Variants in AP1S1 observed in about 807,000 individuals in gnomAD.
AP1S1 encodes adaptor related protein complex 1 subunit sigma 1, also known as AP-1 complex subunit sigma-1A.
A neutral mutation model predicts 23.9 loss-of-function variants in AP1S1; 13 were observed. The observed-to-expected ratio is 0.54, with a 90% CI of 0.35 to 0.86. The LOEUF is 0.86. AP1S1 is among the 40% of genes least tolerant of loss of function. The pLI, the probability that AP1S1 is intolerant of heterozygous loss-of-function variation, is 0.01. For synonymous variants in AP1S1, 84 were observed against 77.7 expected (o/e 1.08, Z -0.43); for missense variants, 119 against 197.6 (o/e 0.60, Z 2.38).
intron 4 of AP1S1, among the ~76,000 whole-genome samples, chr7:101,160,151 A>C (rs1490166512): frequency 6.6e-6 from 1 of 151,874 alleles, no homozygotes; most frequent in Non-Finnish European, 1.5e-5. Context: ...AACAGGACCC[A>C]GTCAGCTGTA....
chr7:101,156,599 G>A lies in AP1S1; in HGVS notation c.9G>A (p.Arg3=). The A allele has an allele frequency of 6.2e-7, 1 of 1,611,616 alleles. No individual in the cohort carries two copies. The highest frequency in any genetic ancestry group is 8.5e-7 in the Non-Finnish European group (1 of 1,178,974). MM[R]FMLLFSRQGK... ...TGCCCTCCCATCCCCCACAGATGCG[G>A]TTCATGCTATTATTCAGCCGGCAGG... Residue 3 remains arginine, a synonymous_variant, in exon 2 of 5, where the codon CGG becomes CGA. Transcript: ENST00000337619.
chr7:101,157,292 C>T, intron 2 of AP1S1, 85 bp from the exon 3 acceptor site: 3 of 1,171,754 alleles, frequency 2.6e-6, no homozygotes, highest in South Asian at 1.4e-5. Flanking sequence ...CACAGACCAC[C>T]TCCAGGCTGG....
At chr7:101,154,888 T>C in intron 1 of AP1S1, 1 of 962,570 alleles carries the variant, frequency 1.0e-6, no homozygotes, top group Non-Finnish European at 1.3e-6. Flanking sequence ...GGGTCACCAG[T>C]CACCGAGACC....
rs1252742816 is a variant in AP1S1, at chr7:101,156,701, G to A, written c.111G>A (p.Gln37=). ...AGAAGATGGTGCGCGAGCTCATGCA[G>A]GTTGTCCTGGCTCGAAAGCCCAAGA... The part of the protein sequence containing the change: ...ERKKMVRELM[Q]VVLARKPKMC... Residue 37 remains glutamine, a synonymous_variant, in exon 2 of 5, where the codon CAG becomes CAA. Coordinates refer to ENST00000337619, the MANE Select transcript of AP1S1 (RefSeq NM_001283.5). The A allele has an allele frequency of 6.2e-7, 1 of 1,608,392 alleles. No individual in the cohort carries two copies. The highest frequency in any genetic ancestry group is 8.5e-7 in the Non-Finnish European group (1 of 1,177,460).
intron 3 of AP1S1, among the ~76,000 whole-genome samples, chr7:101,158,668 G>C (rs780556381): frequency 6.6e-6 from 1 of 152,234 alleles, no homozygotes; most frequent in Non-Finnish European, 1.5e-5. Context: ...TTGGGAAGCT[G>C]AGGCAGGTGG....
At chr7:101,159,290 C>T (rs1797046786) in intron 4 of AP1S1, 94 bp downstream of exon 4, 13 of 1,507,066 alleles carry the variant, frequency 8.6e-6, no homozygotes, top group Non-Finnish European at 1.1e-5. Flanking sequence ...TGCCCACCGT[C>T]GCCAAGGAGC....
intron 4 of AP1S1, among the ~76,000 whole-genome samples, chr7:101,159,876 G>A (rs1797059834): frequency 6.6e-6 from 1 of 151,800 alleles, no homozygotes; most frequent in Admixed American, 6.6e-5. Flanking sequence ...GGAGAGATGG[G>A]GGGCGAGGGA....
intron 4 of AP1S1, chr7:101,159,587 T>A: frequency 5.5e-6 from 1 of 180,946 alleles, no homozygotes; most frequent in African/African-American, 2.4e-5. Context: ...TTTTCTTCCC[T>A]GATTTCTTCC....
chr7:101,157,901 T>C (rs754873904), intron 3 of AP1S1, among the ~76,000 whole-genome samples: 1 of 152,154 alleles, frequency 6.6e-6, no homozygotes, highest in Non-Finnish European at 1.5e-5. Flanking sequence ...TCCTCCTGCC[T>C]CAGTCCCCTG....
intron 2 of AP1S1, 45 bp from the exon 3 acceptor site, chr7:101,157,332 C>T (rs1221768398): frequency 4.7e-6 from 7 of 1,482,548 alleles, no homozygotes; most frequent in Admixed American, 3.9e-5. Flanking sequence ...ATGCCTGGGT[C>T]CTGAAGCAAG....
chr7:101,157,977 A>G (rs1797021213), intron 3 of AP1S1, among the ~76,000 whole-genome samples: 1 of 151,378 alleles, frequency 6.6e-6, no homozygotes, highest in Non-Finnish European at 1.5e-5. Flanking sequence ...TTTTTAAGAG[A>G]TGAGGTCTTG....
At chr7:101,156,027 C>T (rs118109713) in intron 1 of AP1S1, among the ~76,000 whole-genome samples, 4 of 152,202 alleles carry the variant, frequency 2.6e-5, no homozygotes, top group South Asian at 2.1e-4. Flanking sequence ...GTCGGGAGTT[C>T]GAGACCAGGG....
chr7:101,159,130 G>T lies in AP1S1; in HGVS notation c.363G>T (p.Gly121=), dbSNP rs142485973. 1.8e-4 allele frequency: 290 copies of T among 1,613,774 alleles called. No individual in the cohort carries two copies. Among genetic ancestry groups the T allele is most frequent in the Non-Finnish European group, 2.2e-4 (260 of 1,179,812 alleles). ...YFILDEFLMG[G]DVQDTSKKSV... is the part of the protein sequence containing the mutation. ...TCCTGGATGAGTTTTTGATGGGGGG[G>T]GATGTCCAGGACACCTCCAAGAAGA... Residue 121 remains glycine (G), a synonymous_variant, in exon 4 of 5, where the codon GGG becomes GGT. Coordinates refer to ENST00000337619, the MANE Select transcript of AP1S1 (RefSeq NM_001283.5).
At chr7:101,156,237 T>A (rs1380252653) in intron 1 of AP1S1, among the ~76,000 whole-genome samples, 2 of 151,916 alleles carry the variant, frequency 1.3e-5, no homozygotes, top group African/African-American at 2.4e-5. Flanking sequence ...GTCTCAAAAA[T>A]AATAATAATA....
chr7:101,158,258 G>C (rs1285583255), intron 3 of AP1S1, among the ~76,000 whole-genome samples: 1 of 152,176 alleles, frequency 6.6e-6, no homozygotes, highest in African/African-American at 2.4e-5. Context: ...TCCATAATTT[G>C]TGTTATAAAG....
intron 1 of AP1S1, 94 bp downstream of exon 1, chr7:101,154,611 T>C (rs1480556869): frequency 1.3e-6 from 2 of 1,502,428 alleles, no homozygotes; most frequent in East Asian, 2.6e-5. Flanking sequence ...TGAACCGCCC[T>C]GTCTTCCCTC....
chr7:101,156,911 CTTTTTTTT>C (rs34043825), intron 2 of AP1S1, 139 bp downstream of exon 2: 36 of 417,140 alleles, frequency 8.6e-5, no homozygotes, highest in Non-Finnish European at 1.3e-4. Flanking sequence ...TGTCAGCTTC[CTTTTTTTT>C]TTTTTTTTTT....
Position 101,156,591 on chromosome 7 carries a change from C to T in AP1S1, c.4-3C>T. The T allele has an allele frequency of 1.2e-6, 2 of 1,610,338 alleles. No individual in the cohort carries two copies. Among genetic ancestry groups the T allele is most frequent in the Non-Finnish European group, 1.7e-6 (2 of 1,178,156 alleles). ...CTCGGTTCTGCCCTCCCATCCCCCA[C>T]AGATGCGGTTCATGCTATTATTCAG... On this transcript the variant is annotated splice_polypyrimidine_tract_variant and splice_region_variant and intron_variant, in intron 1 of 4. Coordinates refer to ENST00000337619, the MANE Select transcript of AP1S1 (RefSeq NM_001283.5).
At position 101,156,597 on chromosome 7, in the gene AP1S1, C is replaced by A. The variant is rs753811377; in HGVS notation, c.7C>A (p.Arg3=). ...TCTGCCCTCCCATCCCCCACAGATG[C>A]GGTTCATGCTATTATTCAGCCGGCA... MM[R]FMLLFSRQGK... is the part of the protein sequence containing the mutation. Residue 3 remains arginine, a synonymous_variant, in exon 2 of 5, where the codon CGG becomes AGG. Coordinates refer to ENST00000337619, the MANE Select transcript of AP1S1 (RefSeq NM_001283.5). 2.5e-6 allele frequency: 4 copies of A among 1,610,626 alleles called. No individual in the cohort carries two copies. Among genetic ancestry groups the A allele is most frequent in the Non-Finnish European group, 3.4e-6 (4 of 1,178,446 alleles).
Sources: allele counts gnomAD v4.1 joint callset (sites outside exome capture counted in the v4.1 genomes callset), GRCh38; gene constraint gnomAD v4.1.1; transcripts MANE v1.5; gene names NCBI Gene and HGNC (gene_info 2026-07-23, HGNC 2026-07-21).